The following ACOX3 variants were observed in gnomAD, a reference collection of about 807,000 sequenced individuals.
ACOX3 encodes peroxisomal acyl-coenzyme A oxidase 3.
Under a neutral mutation model 81.5 loss-of-function variants are expected in ACOX3, and 73 were observed. That is an observed-to-expected ratio of 0.90 (90% CI 0.74 to 1.09). The LOEUF is 1.09. Among genes scored for constraint, ACOX3 ranks in the 50% least tolerant of loss-of-function variants. ACOX3 has a pLI of 0.00. For synonymous variants in ACOX3, 387 were observed against 375.1 expected (o/e 1.03, Z -0.37); for missense variants, 947 against 928.0 (o/e 1.02, Z -0.27).
chr4:8,414,888 T>C lies in ACOX3; in HGVS notation c.419A>G (p.His140Arg). The C allele has an allele frequency of 6.2e-7, 1 of 1,614,274 alleles. No homozygotes were observed. The highest frequency in any genetic ancestry group is 8.5e-7 in the Non-Finnish European group (1 of 1,180,048). ...GAAGATCTTTTGAATATATGTGAGA[T>C]GTCTTTCAGAACCAGAACTGTAAAC... The part of the protein sequence containing the change: ...SAVYSSGSER[H>R]LTYIQKIFRM... The change falls in exon 4 of 18, where the codon CAT becomes CGT. Residue 140 changes from histidine (H) to arginine (R), a missense_variant. By Grantham distance (29) the His-to-Arg change is conservative (BLOSUM62 0). Transcript: ENST00000356406. This position sits in a 1 kb window ranked among gnomAD's most constrained non-coding sequence, Gnocchi z 6.1.
intron 5 of ACOX3, among the ~76,000 whole-genome samples, chr4:8,412,784 G>A (rs1049213067): frequency 6.6e-6 from 1 of 151,962 alleles, no homozygotes; most frequent in Admixed American, 6.5e-5. Flanking sequence ...GAACAGGGTG[G>A]GTGAGGACCC....
chr4:8,381,911 C>G lies in ACOX3; in HGVS notation c.1538-304G>C, dbSNP rs1228166328. 6.6e-6 allele frequency among the ~76,000 whole-genome samples: 1 copy of G among 152,250 alleles called. No homozygotes were observed. The highest frequency in any genetic ancestry group is 2.4e-5 in the African/African-American group (1 of 41,464). ...CGGTGCCGCCGCTAGAGTGGGCCCC[C>G]GAGTGGGACGGCTGCACGTTCTCGC... is the stretch of plus-strand genomic sequence containing the variant. On this transcript the variant is annotated intron_variant, in intron 13 of 17. Transcript: ENST00000356406. This position sits in a 1 kb window ranked among gnomAD's most constrained non-coding sequence, Gnocchi z 4.3.
In ACOX3 at chr4:8,386,061, CTG is replaced by C. The variant is rs1468600107; in HGVS notation, c.1537+3110_1537+3111del. 6.6e-6 allele frequency among the ~76,000 whole-genome samples: 1 copy of C among 152,140 alleles called. No individual in the cohort carries two copies. The highest frequency in any genetic ancestry group is 1.5e-5 in the Non-Finnish European group (1 of 68,036). ...GGTGTCTTTCCTGATGATGGAGAGACTGTAAAATTGCTTTTGCTTTCAGTCTC... is the reference window on the plus strand; with the variant it reads ...GGTGTCTTTCCTGATGATGGAGAGACTAAAATTGCTTTTGCTTTCAGTCTC... On this transcript the variant is annotated intron_variant, in intron 13 of 17. Transcript: ENST00000356406. This position sits in a 1 kb window ranked among gnomAD's most constrained non-coding sequence, Gnocchi z 5.2.
chr4:8,436,819 TAA>T (rs1348228211), intron 1 of ACOX3, among the ~76,000 whole-genome samples: 2 of 136,236 alleles, frequency 1.5e-5, no homozygotes, highest in African/African-American at 2.7e-5. Flanking sequence ...CTGTCTCTAC[TAA>T]AAAAAAAAAA....
chr4:8,357,789 C>T, the ACOX3 span: 804 of 167,824 alleles, frequency 4.8e-3, 39 homozygotes, highest in East Asian at 0.095. Flanking sequence ...AGCCCTCCGC[C>T]GCCCACAGAC....
chr4:8,410,453 A>C, intron 5 of ACOX3, 98 bp from the exon 6 acceptor site: 1 of 1,477,550 alleles, frequency 6.8e-7, no homozygotes, highest in Non-Finnish European at 9.3e-7. Flanking sequence ...CTACGTTCAA[A>C]ATCTCTGAGG....
intron 5 of ACOX3, among the ~76,000 whole-genome samples, chr4:8,410,778 A>C (rs1270620577): frequency 6.6e-6 from 1 of 152,144 alleles, no homozygotes; most frequent in African/African-American, 2.4e-5. Flanking sequence ...CCTCTAATTC[A>C]CAACACACTG....
Position 8,438,548 on chromosome 4 carries a change from T to A in ACOX3, c.-15+2100A>T, listed in dbSNP as rs535596767. 8.5e-5 allele frequency among the ~76,000 whole-genome samples: 13 copies of A among 152,286 alleles called. No homozygotes were observed. In the East Asian group the frequency reaches 2.5e-3, roughly 29 times the overall value. ...CCCAAATCACAGGTCAAATTAAAGG[T>A]GACCTCCAAGAACTAAAGGAATTAA... On this transcript the variant is annotated intron_variant, in intron 1 of 17. Coordinates refer to ENST00000356406, the MANE Select transcript of ACOX3 (RefSeq NM_003501.3).
chr4:8,356,398 T>C, the ACOX3 span: 9 of 396,976 alleles, frequency 2.3e-5, no homozygotes, highest in South Asian at 1.5e-4. Flanking sequence ...CAGTGATGCA[T>C]GTGCACGGAT....
At chr4:8,378,144 T>G (rs1016730922) in intron 14 of ACOX3, among the ~76,000 whole-genome samples, 1 of 152,132 alleles carries the variant, frequency 6.6e-6, no homozygotes, top group Non-Finnish European at 1.5e-5. Context: ...TACACTCTGG[T>G]TGGTGAAGTA....
rs192525435 is a variant in ACOX3 at position 8,392,799 on chromosome 4, C to A, written c.1180-346G>T. Among the ~76,000 whole-genome samples the A allele has an allele frequency of 4.5e-4, 68 of 152,262 alleles. 1 individual carries two copies. The highest frequency in any genetic ancestry group is 6.8e-3 in the Middle Eastern group (2 of 294). On this transcript the variant is annotated intron_variant, in intron 10 of 17. Transcript: ENST00000356406. ...CACAAACGTCAAAGTGAATGACACACCATGGAAGGTTGCAATTGTTTGCAG... is the reference window on the plus strand; with the variant it reads ...CACAAACGTCAAAGTGAATGACACAACATGGAAGGTTGCAATTGTTTGCAG...
Position 8,414,908 on chromosome 4 carries a change from G to T in ACOX3, c.399C>A (p.Tyr133Ter). Residue 133 changes from tyrosine (Y) to a stop codon, truncating the protein, a stop_gained, in exon 4 of 18, where the codon TAC (tyrosine) becomes TAA (stop). Transcript: ENST00000356406. LOFTEE classifies it high-confidence loss of function. The surrounding 1 kb of genome is among the most constrained non-coding windows in gnomAD (Gnocchi z 6.1). ...TGAGATGTCTTTCAGAACCAGAACTGTAAACTGCTGATCCAAAAACCTGAA... is the reference window on the plus strand; with the variant it reads ...TGAGATGTCTTTCAGAACCAGAACTTTAAACTGCTGATCCAAAAACCTGAA... The part of the protein sequence containing the change: ...LHSLVFGSAV[Y>*]SSGSERHLTY... The T allele has an allele frequency of 2.5e-6, 4 of 1,614,248 alleles. No homozygotes were observed. The highest frequency in any genetic ancestry group is 3.4e-6 in the Non-Finnish European group (4 of 1,180,038).
intron 1 of ACOX3, among the ~76,000 whole-genome samples, chr4:8,439,681 C>T (rs1168907930): frequency 6.6e-6 from 1 of 152,186 alleles, no homozygotes; most frequent in East Asian, 1.9e-4. Context: ...AGGTTTGATC[C>T]TAGGTCTTTA....
chr4:8,431,587 GA>G lies in ACOX3; in HGVS notation c.-15+9060del, dbSNP rs1296671041. Among the ~76,000 whole-genome samples, 2 of 152,074 alleles carry G rather than the reference GA, an allele frequency of 1.3e-5. No homozygotes were observed. The highest frequency in any genetic ancestry group is 1.5e-5 in the Non-Finnish European group (1 of 67,980). ...CTGACACCAAGGGAGCAAATTTGGG[GA>G]AAAAAATAAGGGAATTTGGCTTTAT... On this transcript the variant is annotated intron_variant, in intron 1 of 17. Transcript: ENST00000356406. The surrounding 1 kb of genome is among the most constrained non-coding windows in gnomAD (Gnocchi z 5.3).
At position 8,406,849 on chromosome 4, in the gene ACOX3, C is replaced by T. The variant is rs113372338; in HGVS notation, c.688-806G>A. 5.3e-5 allele frequency among the ~76,000 whole-genome samples: 8 copies of T among 152,208 alleles called. No homozygotes were observed. The highest frequency in any genetic ancestry group is 1.0e-4 in the Non-Finnish European group (7 of 68,042). On this transcript the variant is annotated intron_variant, in intron 6 of 17. Transcript: ENST00000356406. The surrounding 1 kb of genome is among the most constrained non-coding windows in gnomAD (Gnocchi z 5.6). ...TGAAGGTGGACTAGGAGCGTGACCACTGAAGCACGGCATCACAGGGAGACG... is the reference window on the plus strand; with the variant it reads ...TGAAGGTGGACTAGGAGCGTGACCATTGAAGCACGGCATCACAGGGAGACG...
chr4:8,415,045 C>G, intron 3 of ACOX3, 117 bp from the exon 4 acceptor site: 1 of 937,946 alleles, frequency 1.1e-6, no homozygotes, highest in South Asian at 1.4e-5. Context: ...CCCTGCCACA[C>G]TGCACTTTCC....
chr4:8,409,738 TGGGA>T (rs1721491581), intron 6 of ACOX3, among the ~76,000 whole-genome samples: 1 of 145,406 alleles, frequency 6.9e-6, no homozygotes. Context: ...GGCGGGGCTG[TGGGA>T]TACACTTTGG....
In ACOX3 at chr4:8,407,857, G is replaced by A. The variant is rs1010525999; in HGVS notation, c.688-1814C>T. On this transcript the variant is annotated intron_variant, in intron 6 of 17. Transcript: ENST00000356406. The surrounding 1 kb of genome is among the most constrained non-coding windows in gnomAD (Gnocchi z 4.6). ...CAGCAGGGATTCCCAACCATGAGAC[G>A]TGCCACCTTCCCCTTCCCCACCAGG... Among the ~76,000 whole-genome samples, 3 of 152,188 alleles carry A rather than the reference G, an allele frequency of 2.0e-5. No homozygotes were observed. Among genetic ancestry groups the A allele is most frequent in the African/African-American group, 4.8e-5 (2 of 41,446 alleles).
chr4:8,373,589 T>C lies in ACOX3; in HGVS notation c.1868A>G (p.Glu623Gly), dbSNP rs1196056536. 6.2e-7 allele frequency: 1 copy of C among 1,613,594 alleles called. No individual in the cohort carries two copies. Among genetic ancestry groups the C allele is most frequent in the Non-Finnish European group, 8.5e-7 (1 of 1,179,870 alleles). Reference sequence around the variant, plus strand: ...GGAACACAAAGCCAGGACGGCGCTCTCCAACACTTCTCCCGCCTGCTCACC... The same window carrying C: ...GGAACACAAAGCCAGGACGGCGCTCCCCAACACTTCTCCCGCCTGCTCACC... ...FSGEQAGEVL[E>G]SAVLALCSQL... Residue 623 changes from glutamate (E) to glycine (G), a missense_variant, in exon 16 of 18, where the codon GAG becomes GGG. Transcript: ENST00000356406.
Sources: gnomAD v4.1 joint callset for allele counts (sites outside exome capture counted in the v4.1 genomes callset) on GRCh38, gnomAD v4.1.1 for gene constraint, Gnocchi (gnomAD v3.1) non-coding constraint, MANE v1.5 for transcripts, NCBI Gene and HGNC (gene_info 2026-07-23, HGNC 2026-07-21) for gene names.